TMEM108: variants seen among roughly 807,000 people sequenced by gnomAD.
The protein encoded by TMEM108 is transmembrane protein 108.
TMEM108 carries 12 observed loss-of-function variants against 35.1 expected under a neutral mutation model. The observed-to-expected ratio is 0.34, with a 90% CI of 0.22 to 0.55. TMEM108 has a LOEUF of 0.55. Ranked by LOEUF, TMEM108 falls within the 20% of genes least tolerant of loss-of-function variation. The pLI is 0.89. For synonymous variants in TMEM108, 287 were observed against 308.6 expected, an observed-to-expected ratio of 0.93 and a Z score of 0.73; for missense variants, 680 against 753.3, an observed-to-expected ratio of 0.90 and a Z score of 1.14.
At chr3:133,092,158 A>G (rs1046747065) in intron 2 of TMEM108, among the ~76,000 whole-genome samples, 3 of 152,210 alleles carry the variant, frequency 2.0e-5, no homozygotes, top group Non-Finnish European at 4.4e-5. Context: ...AGAGGAAACA[A>G]CCCATCATTT....
At chr3:133,180,535 A>G (rs1945320061) in intron 2 of TMEM108, among the ~76,000 whole-genome samples, 1 of 152,096 alleles carries the variant, frequency 6.6e-6, no homozygotes, top group South Asian at 2.1e-4. Context: ...CCCAGAAGCA[A>G]ATAGCTTTTC....
At chr3:133,129,997 A>G (rs1247214107) in intron 2 of TMEM108, among the ~76,000 whole-genome samples, 2 of 570 alleles carry the variant, frequency 3.5e-3, no homozygotes, top group Non-Finnish European at 0.011. Flanking sequence ...CAAAAATATT[A>G]AAGGACTTTT....
intron 2 of TMEM108, among the ~76,000 whole-genome samples, chr3:133,069,137 C>G (rs181978540): frequency 3.0e-4 from 45 of 152,274 alleles, no homozygotes; most frequent in African/African-American, 1.1e-3. Context: ...GAATAGTGAA[C>G]TAACACACTT....
intron 2 of TMEM108, among the ~76,000 whole-genome samples, chr3:133,213,555 T>C (rs1945863859): frequency 1.3e-5 from 2 of 152,196 alleles, no homozygotes. Context: ...CTAATGTTTG[T>C]CAAAAGATCT....
chr3:133,322,335 A>T (rs1194012765), intron 3 of TMEM108, among the ~76,000 whole-genome samples: 2 of 152,150 alleles, frequency 1.3e-5, no homozygotes, highest in Admixed American at 1.3e-4. Flanking sequence ...AAATGAAACG[A>T]GAGATACTAC....
At chr3:133,272,471 A>G (rs1946786347) in intron 3 of TMEM108, among the ~76,000 whole-genome samples, 1 of 152,152 alleles carries the variant, frequency 6.6e-6, no homozygotes, top group Non-Finnish European at 1.5e-5. Context: ...TTTACAGTTG[A>G]TGGAGGTTAA....
intron 2 of TMEM108, among the ~76,000 whole-genome samples, chr3:133,189,295 T>G (rs1052451610): frequency 6.6e-6 from 1 of 152,226 alleles, no homozygotes; most frequent in Non-Finnish European, 1.5e-5. Context: ...AGATGACCTT[T>G]ACATAGAGAG....
chr3:133,232,936 T>C (rs899996155), intron 3 of TMEM108, among the ~76,000 whole-genome samples: 14 of 152,196 alleles, frequency 9.2e-5, no homozygotes, highest in Non-Finnish European at 1.8e-4. Context: ...TTCTGAGACC[T>C]AAATAATCAA....
At chr3:133,112,055 C>G (rs887254063) in intron 2 of TMEM108, among the ~76,000 whole-genome samples, 1 of 152,036 alleles carries the variant, frequency 6.6e-6, no homozygotes, top group African/African-American at 2.4e-5. Flanking sequence ...AAGAGCAAGA[C>G]AGTTTTTTTT....
chr3:133,095,583 T>C (rs1944002161), intron 2 of TMEM108, among the ~76,000 whole-genome samples: 1 of 152,158 alleles, frequency 6.6e-6, no homozygotes, highest in African/African-American at 2.4e-5. Flanking sequence ...TTTCTGCAAC[T>C]AGATGGTCTC....
At chr3:133,391,421 C>T (rs1253639273) in intron 5 of TMEM108, among the ~76,000 whole-genome samples, 15 of 152,178 alleles carry the variant, frequency 9.9e-5, no homozygotes, top group Admixed American at 9.8e-4. Flanking sequence ...GTCCCTTCCC[C>T]AGAGCAGCCA....
intron 3 of TMEM108, among the ~76,000 whole-genome samples, chr3:133,281,824 C>T (rs958975110): frequency 2.0e-5 from 3 of 152,134 alleles, no homozygotes; most frequent in Non-Finnish European, 4.4e-5. Context: ...AAGACTAAAT[C>T]GGTTGAATAT....
intron 2 of TMEM108, among the ~76,000 whole-genome samples, chr3:133,078,555 C>T (rs1943773041): frequency 6.6e-6 from 1 of 152,066 alleles, no homozygotes; most frequent in African/African-American, 2.4e-5. Context: ...CTCTGAAAGG[C>T]CACAGAATTA....
chr3:133,284,142 G>C (rs574530287), intron 3 of TMEM108, among the ~76,000 whole-genome samples: 1 of 152,234 alleles, frequency 6.6e-6, no homozygotes, highest in African/African-American at 2.4e-5. Flanking sequence ...CTTCTGTTTG[G>C]GCTCCTCTAT....
At chr3:133,102,480 G>A (rs1944100791) in intron 2 of TMEM108, among the ~76,000 whole-genome samples, 1 of 152,100 alleles carries the variant, frequency 6.6e-6, no homozygotes, top group South Asian at 2.1e-4. Flanking sequence ...GCTCCTGTGT[G>A]CTCATGTACC....
At chr3:133,227,617 C>T (rs1304666845) in intron 2 of TMEM108, among the ~76,000 whole-genome samples, 3 of 151,642 alleles carry the variant, frequency 2.0e-5, no homozygotes, top group Admixed American at 2.0e-4. Flanking sequence ...TATGCTGAGG[C>T]CAGGCATGGT....
At position 133,380,182 on chromosome 3, in the gene TMEM108, C is replaced by T. The variant is rs533543383; in HGVS notation, c.471C>T (p.Pro157=). ...CCACCAGCCGCCCCACCACAGCGCC[C>T]CCCCGCACTACCACACGCAGGCCCC... is the stretch of plus-strand genomic sequence containing the variant. ...PGATSRPTTA[P]PRTTTRRPPR... Residue 157 remains proline (P), a synonymous_variant, in exon 4 of 6, where the codon CCC becomes CCT. Transcript: ENST00000321871. The surrounding 1 kb of genome is among the most constrained non-coding windows in gnomAD (Gnocchi z 5.3). The T allele has an allele frequency of 5.0e-6, 8 of 1,611,976 alleles. No homozygotes were observed. The highest frequency in any genetic ancestry group is 2.2e-5 in the East Asian group (1 of 44,724).
At chr3:133,358,450 G>A (rs1265163509) in intron 3 of TMEM108, among the ~76,000 whole-genome samples, 1 of 152,108 alleles carries the variant, frequency 6.6e-6, no homozygotes, top group Non-Finnish European at 1.5e-5. Context: ...GATTACAGGT[G>A]TGAGTCACCG....
chr3:133,128,429 G>A (rs573414779), intron 2 of TMEM108, among the ~76,000 whole-genome samples: 14 of 152,210 alleles, frequency 9.2e-5, no homozygotes, highest in Admixed American at 6.5e-4. Flanking sequence ...GAATAGAAAT[G>A]CATATTGTGT....
Sources: gnomAD v4.1 joint callset for allele counts (sites outside exome capture counted in the v4.1 genomes callset) on GRCh38, gnomAD v4.1.1 for gene constraint, Gnocchi (gnomAD v3.1) non-coding constraint, MANE v1.5 for transcripts, NCBI Gene and HGNC (gene_info 2026-07-23, HGNC 2026-07-21) for gene names.